The following NBAS variants were observed in gnomAD, a reference collection of about 807,000 sequenced individuals.
The protein encoded by NBAS is NAG/BC035112 fusion.
NBAS carries 219 observed loss-of-function variants against 302.5 expected under a neutral mutation model. The observed-to-expected ratio is 0.72, with a 90% CI of 0.65 to 0.81. The LOEUF (loss-of-function observed/expected upper bound fraction) is 0.81. NBAS is among the 30% of genes least tolerant of loss of function. NBAS has a pLI of 0.00. For missense variants in NBAS, 2,932 were observed against 2,841.6 expected (o/e 1.03, Z -0.72); for synonymous variants, 1,118 against 1,021.6 (o/e 1.09, Z -1.80).
chr2:14,889,887 A>G, the NBAS span, among the ~76,000 whole-genome samples: 1 of 152,224 alleles, frequency 6.6e-6, no homozygotes, highest in Non-Finnish European at 1.5e-5. Flanking sequence ...ACTGGGAAAC[A>G]CATATAATCA....
the NBAS span, among the ~76,000 whole-genome samples, chr2:15,155,842 G>A: frequency 3.9e-5 from 6 of 152,152 alleles, no homozygotes; most frequent in Non-Finnish European, 7.3e-5. Context: ...CATTCCTACA[G>A]AGCCTGGCTC....
chr2:15,560,906 G>A (rs531392945), intron 1 of NBAS, among the ~76,000 whole-genome samples: 1 of 152,110 alleles, frequency 6.6e-6, no homozygotes, highest in Admixed American at 6.5e-5. Flanking sequence ...AATACAGAGA[G>A]CGAAACTGAG....
intron 22 of NBAS, among the ~76,000 whole-genome samples, chr2:15,426,181 T>C (rs1677466221): frequency 1.3e-5 from 2 of 152,242 alleles, no homozygotes; most frequent in African/African-American, 4.8e-5. Context: ...AATATTATCC[T>C]CCAAAAGTTT....
the NBAS span, among the ~76,000 whole-genome samples, chr2:14,874,563 C>G: frequency 0.25 from 36,931 of 150,442 alleles, 5,276 homozygotes; most frequent in East Asian, 0.42. Flanking sequence ...TGGCGTGAAT[C>G]CGGGAGGTGG....
At chr2:15,334,105 C>A (rs1447086393) in intron 35 of NBAS, among the ~76,000 whole-genome samples, 3 of 152,022 alleles carry the variant, frequency 2.0e-5, no homozygotes, top group Non-Finnish European at 4.4e-5. Flanking sequence ...CTACTTGACA[C>A]AAAAGTAAAC....
intron 40 of NBAS, among the ~76,000 whole-genome samples, chr2:15,306,210 G>A (rs1412095257): frequency 1.3e-5 from 2 of 151,920 alleles, no homozygotes; most frequent in African/African-American, 4.8e-5. Context: ...CCATACCTGA[G>A]ATATAAAAAA....
chr2:15,080,903 T>C, the NBAS span, among the ~76,000 whole-genome samples: 1 of 152,218 alleles, frequency 6.6e-6, no homozygotes, highest in Non-Finnish European at 1.5e-5. Context: ...CTTCCAAACA[T>C]TCTTCTGTTG....
At chr2:15,476,162 C>T (rs1680182809) in intron 13 of NBAS, among the ~76,000 whole-genome samples, 2 of 152,024 alleles carry the variant, frequency 1.3e-5, no homozygotes, top group Admixed American at 1.3e-4. Context: ...TCTTTCATTT[C>T]AAGAATACAC....
At chr2:15,436,934 A>G (rs1402553701) in intron 21 of NBAS, among the ~76,000 whole-genome samples, 1 of 152,236 alleles carries the variant, frequency 6.6e-6, no homozygotes, top group Non-Finnish European at 1.5e-5. Context: ...GACAGACTGA[A>G]GGAAGAATGG....
chr2:14,922,565 C>A, the NBAS span, among the ~76,000 whole-genome samples: 2 of 152,166 alleles, frequency 1.3e-5, no homozygotes, highest in Non-Finnish European at 1.5e-5. Flanking sequence ...ACATCCCTGG[C>A]ATCTCTCTCT....
chr2:14,793,396 A>G, the NBAS span, among the ~76,000 whole-genome samples: 1 of 152,224 alleles, frequency 6.6e-6, no homozygotes, highest in Non-Finnish European at 1.5e-5. Context: ...AATCAAATGA[A>G]TAATAAACCT....
chr2:15,083,520 G>T, the NBAS span, among the ~76,000 whole-genome samples: 2 of 152,312 alleles, frequency 1.3e-5, no homozygotes, highest in African/African-American at 4.8e-5. Flanking sequence ...ACTGAAAATT[G>T]TTGTGGGATG....
At chr2:14,876,431 A>G in the NBAS span, among the ~76,000 whole-genome samples, 1 of 152,174 alleles carries the variant, frequency 6.6e-6, no homozygotes, top group African/African-American at 2.4e-5. Flanking sequence ...GACCTCCACT[A>G]TCAACTTCCA....
At chr2:14,963,091 A>C in the NBAS span, among the ~76,000 whole-genome samples, 1 of 152,110 alleles carries the variant, frequency 6.6e-6, no homozygotes, top group South Asian at 2.1e-4. Context: ...CAACATGGTG[A>C]AACTCCGTCT....
At chr2:15,221,747 T>A (rs1666958420) in intron 47 of NBAS, among the ~76,000 whole-genome samples, 1 of 152,030 alleles carries the variant, frequency 6.6e-6, no homozygotes, top group Admixed American at 6.6e-5. Flanking sequence ...AGCAAAAGAT[T>A]TCAAAGGACA....
At chr2:14,922,949 G>A in the NBAS span, among the ~76,000 whole-genome samples, 2 of 152,078 alleles carry the variant, frequency 1.3e-5, no homozygotes, top group South Asian at 2.1e-4. Context: ...TCAGGAGATC[G>A]AGACCATCCT....
At chr2:15,406,116 C>CAA (rs772651880) in intron 25 of NBAS, among the ~76,000 whole-genome samples, 20 of 134,566 alleles carry the variant, frequency 1.5e-4, no homozygotes, top group Non-Finnish European at 2.3e-4. Flanking sequence ...AAAAAAAAAA[C>CAA]AAAACAAAAA....
At chr2:15,305,019 G>GA (rs1670964914) in intron 40 of NBAS, among the ~76,000 whole-genome samples, 1 of 152,164 alleles carries the variant, frequency 6.6e-6, no homozygotes, top group Admixed American at 6.5e-5. Context: ...TTTTGGGTTA[G>GA]TGCTAGAACA....
intron 28 of NBAS, among the ~76,000 whole-genome samples, chr2:15,386,045 G>A (rs1001438270): frequency 5.9e-5 from 9 of 152,166 alleles, no homozygotes; most frequent in Non-Finnish European, 8.8e-5. Flanking sequence ...AATAGTCAAA[G>A]CTATCTAAAT....
Sources: allele counts gnomAD v4.1 joint callset (sites outside exome capture counted in the v4.1 genomes callset), GRCh38; gene constraint gnomAD v4.1.1; transcripts MANE v1.5; gene names NCBI Gene and HGNC (gene_info 2026-07-23, HGNC 2026-07-21).